The following UHMK1 variants were observed in gnomAD, a reference collection of about 807,000 sequenced individuals.
UHMK1 encodes serine/threonine-protein kinase Kist.
A neutral mutation model predicts 44.0 loss-of-function variants in UHMK1; 18 were observed. The observed-to-expected ratio is 0.41, with a 90% CI of 0.28 to 0.61. The LOEUF (loss-of-function observed/expected upper bound fraction) is 0.61. Among genes scored for constraint, UHMK1 ranks in the 20% least tolerant of loss-of-function variants. The probability of loss-of-function intolerance (pLI) is 0.31; values close to 1 mark genes in which losing one functional copy is unlikely to be tolerated. For missense variants in UHMK1, 463 were observed against 522.5 expected (o/e 0.89, Z 1.11); for synonymous variants, 231 against 198.5 (o/e 1.16, Z -1.38).
rs1023430219 is a variant in UHMK1, at chr1:162,497,909, C to G, written c.-92C>G. On this transcript the variant is annotated 5_prime_UTR_variant, in exon 1 of 8. Coordinates refer to ENST00000489294, the MANE Select transcript of UHMK1 (RefSeq NM_175866.5). Reference sequence around the variant, plus strand: ...CTGCAGGTCCCTCCCTGCGGAGCCGCTGGTCCGGCTGGCGGAGATGTGACC... The same window carrying G: ...CTGCAGGTCCCTCCCTGCGGAGCCGGTGGTCCGGCTGGCGGAGATGTGACC... 1.2e-5 allele frequency: 17 copies of G among 1,427,994 alleles called. No individual in the cohort carries two copies. The highest frequency in any genetic ancestry group is 1.4e-5 in the Non-Finnish European group (15 of 1,096,234). 88.5% of individuals were successfully genotyped at this position (1,427,994 alleles called of 1,614,324 possible).
chr1:162,517,072 A>G (rs1300255625), intron 6 of UHMK1, among the ~76,000 whole-genome samples: 2 of 151,940 alleles, frequency 1.3e-5, no homozygotes, highest in Admixed American at 6.6e-5. Flanking sequence ...GCCAAGGCAG[A>G]TGGATCACCT....
rs764751769 is a variant in UHMK1, at chr1:162,498,132, C to T, written c.132C>T (p.Gly44=). 12 of 1,612,556 alleles carry T rather than the reference C, an allele frequency of 7.4e-6. No individual in the cohort carries two copies. The highest frequency in any genetic ancestry group is 6.7e-5 in the East Asian group (3 of 44,888). ...SASVYRVRCC[G]NPGSPPGALK... is the part of the protein sequence containing the mutation. ...CGGTGTATCGGGTTCGCTGCTGCGG[C>T]AACCCTGGCTCGCCCCCCGGCGCCC... Residue 44 remains glycine (G), a synonymous_variant, in exon 1 of 8, where the codon GGC becomes GGT. Coordinates refer to ENST00000489294, the MANE Select transcript of UHMK1 (RefSeq NM_175866.5).
rs747527705 is a variant in UHMK1, at chr1:162,518,115, T to A, written c.1038T>A (p.Asp346Glu). 1.1e-5 allele frequency: 17 copies of A among 1,611,098 alleles called. No homozygotes were observed. Among genetic ancestry groups the A allele is most frequent in the Non-Finnish European group, 1.4e-5 (17 of 1,177,534 alleles). ...TTTAATAATCAGATGTTGTAGAAGATGTAAAAGAGGAGTGTCAAAAATATG... is the reference window on the plus strand; with the variant it reads ...TTTAATAATCAGATGTTGTAGAAGAAGTAAAAGAGGAGTGTCAAAAATATG... ...NEEEYEDVVE[D>E]VKEECQKYGP... Residue 346 changes from aspartate to glutamate, a missense_variant, in exon 7 of 8, where the codon GAT becomes GAA. Asp to Glu is a conservative substitution (Grantham distance 45). Around this residue, in one of 3 missense-constraint regions of UHMK1, gnomAD observed 264 missense variants for 326.3 expected, o/e 0.81. Transcript: ENST00000489294.
At chr1:162,510,354 A>G (rs1271557480) in intron 4 of UHMK1, among the ~76,000 whole-genome samples, 2 of 152,178 alleles carry the variant, frequency 1.3e-5, no homozygotes, top group Non-Finnish European at 2.9e-5. Flanking sequence ...GGCTTTGGCC[A>G]ATGTCTCCCC....
chr1:162,502,420 T>C (rs1310215098), intron 3 of UHMK1, among the ~76,000 whole-genome samples: 2 of 152,216 alleles, frequency 1.3e-5, no homozygotes, highest in East Asian at 3.9e-4. Flanking sequence ...GGGTAAAAAT[T>C]GCTTTCTTGG....
intron 7 of UHMK1, among the ~76,000 whole-genome samples, chr1:162,521,338 A>G (rs974829640): frequency 2.6e-5 from 4 of 152,212 alleles, no homozygotes; most frequent in African/African-American, 4.8e-5. Flanking sequence ...GATAGAAAAC[A>G]TGATATTCCT....
chr1:162,506,937 G>A (rs1167381045), intron 4 of UHMK1, among the ~76,000 whole-genome samples: 1 of 152,028 alleles, frequency 6.6e-6, no homozygotes. Context: ...TCCATGTATA[G>A]TAATTTTATC....
intron 7 of UHMK1, among the ~76,000 whole-genome samples, chr1:162,519,160 T>C (rs150564895): frequency 8.6e-6 from 1 of 115,734 alleles, no homozygotes; most frequent in Non-Finnish European, 1.9e-5. Context: ...CTACTAAAAA[T>C]ACCAAAAATT....
chr1:162,518,048 T>C (rs1651900549), intron 6 of UHMK1, 54 bp from the exon 7 acceptor site: 3 of 1,288,496 alleles, frequency 2.3e-6, no homozygotes, highest in Non-Finnish European at 3.4e-6. Flanking sequence ...TTTAAAATGT[T>C]GAATACTTGT....
rs777311485 is a variant in UHMK1, at chr1:162,523,720, T to TA, written c.*1170_*1171insA. ...GTTTCTCGTATCCCTGCTCCCTTTT[T>TA]CCTCCCCTTCCCTCATTCTTTGCCT... On this transcript the variant is annotated 3_prime_UTR_variant, in exon 8 of 8. Coordinates refer to ENST00000489294, the MANE Select transcript of UHMK1 (RefSeq NM_175866.5). 1 of 152,102 alleles carries TA rather than the reference T, an allele frequency of 6.6e-6. No individual in the cohort carries two copies. Among genetic ancestry groups the TA allele is most frequent in the Non-Finnish European group, 1.5e-5 (1 of 68,030 alleles). The allele number at this position is 152,102 out of a possible 1,614,324, so 9.4% of individuals were successfully genotyped here.
At chr1:162,501,234 A>G in intron 3 of UHMK1, 130 bp downstream of exon 3, 2 of 880,258 alleles carry the variant, frequency 2.3e-6, no homozygotes, top group Non-Finnish European at 3.3e-6. Flanking sequence ...CAGTGGCGCA[A>G]TCTCAGCTCA....
In UHMK1 at chr1:162,523,907, G is replaced by C. The variant is rs1186696904; in HGVS notation, c.*1357G>C. Reference sequence around the variant, plus strand: ...ATTCATAGCAACATAATGTGTCCCTGAGTAGAGGATGCTGCTATGCGTGAG... The same window carrying C: ...ATTCATAGCAACATAATGTGTCCCTCAGTAGAGGATGCTGCTATGCGTGAG... On this transcript the variant is annotated 3_prime_UTR_variant, in exon 8 of 8. Transcript: ENST00000489294. 1.3e-5 allele frequency: 2 copies of C among 152,168 alleles called. No individual in the cohort carries two copies. Among genetic ancestry groups the C allele is most frequent in the African/African-American group, 4.8e-5 (2 of 41,448 alleles). 9.4% of individuals were successfully genotyped at this position (152,168 alleles called of 1,614,324 possible).
At chr1:162,509,209 C>T (rs778382467) in intron 4 of UHMK1, among the ~76,000 whole-genome samples, 2 of 152,002 alleles carry the variant, frequency 1.3e-5, no homozygotes, top group Non-Finnish European at 2.9e-5. Context: ...TATAATATTC[C>T]CCAAAAAGTG....
chr1:162,522,295 T>C (rs1298024453), intron 7 of UHMK1, 109 bp from the exon 8 acceptor site: 1 of 1,309,464 alleles, frequency 7.6e-7, no homozygotes, highest in African/African-American at 1.5e-5. Context: ...AAGCAAAATC[T>C]GCATTTTAAT....
At chr1:162,518,687 C>CAAAAA (rs71093184) in intron 7 of UHMK1, among the ~76,000 whole-genome samples, 1 of 143,580 alleles carries the variant, frequency 7.0e-6, no homozygotes. Context: ...GACTTCATCT[C>CAAAAA]AAAAAAAAAA....
chr1:162,500,834 G>T, intron 2 of UHMK1, 79 bp from the exon 3 acceptor site: 1 of 1,391,884 alleles, frequency 7.2e-7, no homozygotes, highest in Middle Eastern at 2.2e-4. Context: ...TGCACTCTTA[G>T]GGAAGTAAAT....
Position 162,523,256 on chromosome 1 carries a change from C to CT in UHMK1, c.*709dup, listed in dbSNP as rs1652125250. The CT allele has an allele frequency of 6.6e-6, 1 of 152,580 alleles. No individual in the cohort carries two copies. Among genetic ancestry groups the CT allele is most frequent in the African/African-American group, 2.4e-5 (1 of 41,418 alleles). The allele number at this position is 152,580 out of a possible 1,614,324, so 9.5% of individuals were successfully genotyped here. A position where few individuals can be genotyped will look rare whatever the true frequency, so the allele number is the denominator to read the frequency against. On this transcript the variant is annotated 3_prime_UTR_variant, in exon 8 of 8. Coordinates refer to ENST00000489294, the MANE Select transcript of UHMK1 (RefSeq NM_175866.5). ...ATTAGAGAAAATTTGAGTCAGTGTA[C>CT]TTTATAGTGTGAATCCTGTGAGCTA...
chr1:162,509,406 T>A (rs74540749), intron 4 of UHMK1, among the ~76,000 whole-genome samples: 2 of 152,190 alleles, frequency 1.3e-5, no homozygotes, highest in Admixed American at 1.3e-4. Flanking sequence ...CAACCTCTTA[T>A]GATTTTACAA....
chr1:162,511,160 T>C (rs1483076805), intron 4 of UHMK1, among the ~76,000 whole-genome samples: 1 of 150,994 alleles, frequency 6.6e-6, no homozygotes, highest in Non-Finnish European at 1.5e-5. Flanking sequence ...TATAAAGTTA[T>C]TTGAGCTCTT....
Sources: allele counts gnomAD v4.1 joint callset (sites outside exome capture counted in the v4.1 genomes callset), GRCh38; gene constraint gnomAD v4.1.1; regional missense constraint gnomAD v4.1.1; transcripts MANE v1.5; gene names NCBI Gene and HGNC (gene_info 2026-07-23, HGNC 2026-07-21).